PARP8: variants seen among roughly 807,000 people sequenced by gnomAD.
PARP8 encodes protein mono-ADP-ribosyltransferase PARP8.
PARP8 carries 51 observed loss-of-function variants against 124.1 expected under a neutral mutation model. That is an observed-to-expected ratio of 0.41 (90% CI 0.33 to 0.52). PARP8 has a LOEUF of 0.52. Among genes scored for constraint, PARP8 ranks in the 20% least tolerant of loss-of-function variants. The pLI is 0.21. For synonymous variants in PARP8, 391 were observed against 361.5 expected, an observed-to-expected ratio of 1.08 and a Z score of -0.93; for missense variants, 860 against 1,018.9, an observed-to-expected ratio of 0.84 and a Z score of 2.12.
Position 50,788,420 on chromosome 5 carries a change from A to G in PARP8, c.671-103A>G, listed in dbSNP as rs796204316. ...GCATGTACACTGTTTTTAAATGTGTATATGTATATGCACATATATAATGCG... is the reference window on the plus strand; with the variant it reads ...GCATGTACACTGTTTTTAAATGTGTGTATGTATATGCACATATATAATGCG... On this transcript the variant is annotated intron_variant, in intron 9 of 25. Coordinates refer to ENST00000281631, the MANE Select transcript of PARP8 (RefSeq NM_024615.4). 13 of 930,936 alleles carry G rather than the reference A, an allele frequency of 1.4e-5. 1 individual carries two copies. In the African/African-American group the frequency reaches 1.6e-4, roughly 12 times the overall value. 57.7% of individuals were successfully genotyped at this position (930,936 alleles called of 1,614,324 possible).
chr5:50,822,283 C>G, intron 16 of PARP8, 52 bp from the exon 17 acceptor site: 1 of 1,286,682 alleles, frequency 7.8e-7, no homozygotes, highest in Middle Eastern at 1.9e-4. Context: ...TACAGACTTG[C>G]AAGAGCTTAT....
intron 19 of PARP8, 74 bp downstream of exon 19, chr5:50,826,877 T>G: frequency 6.5e-7 from 1 of 1,533,290 alleles, no homozygotes; most frequent in Non-Finnish European, 8.7e-7. Context: ...AGAACCTACC[T>G]TGTAATTTTT....
Position 50,667,189 on chromosome 5 carries a change from G to A in PARP8, c.91+3G>A. ...TGAGAAGGACTGCCTGTTTGCAGGT[G>A]AGTTCTTGCTTTTCCAGAACCTCGG... On this transcript the variant is annotated splice_donor_region_variant and intron_variant, in intron 1 of 25. Transcript: ENST00000281631. 1 of 1,596,372 alleles carries A rather than the reference G, an allele frequency of 6.3e-7. No individual in the cohort carries two copies. Among genetic ancestry groups the A allele is most frequent in the South Asian group, 1.1e-5 (1 of 90,978 alleles).
intron 7 of PARP8, among the ~76,000 whole-genome samples, chr5:50,768,723 C>T (rs1190182697): frequency 2.6e-5 from 4 of 152,142 alleles, no homozygotes; most frequent in African/African-American, 9.7e-5. Context: ...TCTGCATTTG[C>T]TATTCATGAG....
intron 20 of PARP8, 32 bp downstream of exon 20, chr5:50,828,088 C>A: frequency 6.9e-7 from 1 of 1,448,710 alleles, no homozygotes; most frequent in Non-Finnish European, 9.7e-7. Flanking sequence ...TGGGGGTGTG[C>A]TCCCATTAAC....
At chr5:50,667,632 G>A (rs1419925167) in intron 1 of PARP8, 3 of 699,032 alleles carry the variant, frequency 4.3e-6, no homozygotes, top group Non-Finnish European at 7.8e-6. Flanking sequence ...AGGACCCCCG[G>A]GGGGCAGCGC....
intron 2 of PARP8, among the ~76,000 whole-genome samples, chr5:50,677,518 C>T (rs1039769085): frequency 2.0e-5 from 3 of 152,052 alleles, no homozygotes; most frequent in Admixed American, 1.3e-4. Flanking sequence ...GAAAACCAGC[C>T]TAGAATGGTG....
At chr5:50,835,210 A>C (rs1747432141) in intron 25 of PARP8, among the ~76,000 whole-genome samples, 195 bp downstream of exon 25, 1 of 152,190 alleles carries the variant, frequency 6.6e-6, no homozygotes, top group African/African-American at 2.4e-5. Context: ...TTAACTTAGA[A>C]GAGCTCATGA....
chr5:50,682,345 AAATAAAAAGGACTT>A (rs568219890), intron 2 of PARP8, among the ~76,000 whole-genome samples: 6 of 152,164 alleles, frequency 3.9e-5, no homozygotes, highest in Non-Finnish European at 8.8e-5. Context: ...ATTTGACTAT[AAATAAAAAGGACTT>A]CTACCAAGAA....
At chr5:50,708,349 T>A (rs1754379718) in intron 2 of PARP8, among the ~76,000 whole-genome samples, 1 of 152,152 alleles carries the variant, frequency 6.6e-6, no homozygotes, top group South Asian at 2.1e-4. Context: ...TCTTCTTGTT[T>A]TACTGAAACA....
At chr5:50,832,955 T>A in intron 23 of PARP8, 101 bp downstream of exon 23, 1 of 1,004,916 alleles carries the variant, frequency 1.0e-6, no homozygotes, top group Non-Finnish European at 1.5e-6. Flanking sequence ...AAAAATTATT[T>A]AATGTGGTCA....
chr5:50,829,839 A>AG (rs1746748417), intron 21 of PARP8, 53 bp from the exon 22 acceptor site: 7 of 1,487,768 alleles, frequency 4.7e-6, no homozygotes, highest in Non-Finnish European at 6.3e-6. Flanking sequence ...GTCAAATATT[A>AG]TCATTTAAAC....
chr5:50,808,166 G>C (rs1341911783), intron 14 of PARP8, among the ~76,000 whole-genome samples: 1 of 151,836 alleles, frequency 6.6e-6, no homozygotes, highest in Non-Finnish European at 1.5e-5. Flanking sequence ...TTTAGCCACG[G>C]TTGAGGATGG....
At chr5:50,779,983 TTTA>T (rs1199410517) in intron 9 of PARP8, among the ~76,000 whole-genome samples, 2 of 152,338 alleles carry the variant, frequency 1.3e-5, no homozygotes, top group South Asian at 4.1e-4. Flanking sequence ...TTAAAATATT[TTTA>T]TTCTGATAAT....
rs1350301260 is a variant in PARP8, at chr5:50,826,739, A to T, written c.1929-16A>T. ...TTTGGCATGTATTTGTGACTAATGGATCATTTTAATTTCAGGGTTATATCA... is the reference window on the plus strand; with the variant it reads ...TTTGGCATGTATTTGTGACTAATGGTTCATTTTAATTTCAGGGTTATATCA... On this transcript the variant is annotated splice_polypyrimidine_tract_variant and intron_variant, in intron 18 of 25. Coordinates refer to ENST00000281631, the MANE Select transcript of PARP8 (RefSeq NM_024615.4). The T allele has an allele frequency of 6.3e-7, 1 of 1,577,340 alleles. No homozygotes were observed. Among genetic ancestry groups the T allele is most frequent in the Non-Finnish European group, 8.6e-7 (1 of 1,168,216 alleles).
intron 2 of PARP8, among the ~76,000 whole-genome samples, chr5:50,701,584 A>T (rs1447053451): frequency 6.6e-6 from 1 of 152,146 alleles, no homozygotes; most frequent in Non-Finnish European, 1.5e-5. Context: ...ACTATTTTAG[A>T]AGTGACTTTG....
At position 50,843,283 on chromosome 5, in the gene PARP8, G is replaced by A. The variant is rs1442926269; in HGVS notation, c.*1215G>A. ...TTTATTTTCCCACATGTTGTCTTTG[G>A]AATAAGGCCATTCATGAAAGCAGTT... On this transcript the variant is annotated 3_prime_UTR_variant, in exon 26 of 26. Transcript: ENST00000281631. 1 of 151,372 alleles carries A rather than the reference G, an allele frequency of 6.6e-6. No individual in the cohort carries two copies. The highest frequency in any genetic ancestry group is 2.4e-5 in the African/African-American group (1 of 41,248). 9.4% of individuals were successfully genotyped at this position (151,372 alleles called of 1,614,324 possible).
rs1375028218 is a variant in PARP8, at chr5:50,794,938, C to T, written c.949C>T (p.Leu317=). ...GGACGGAATCTCCAAAACGCATAAG[C>T]TGCTGCGGAGGACTTGTTCCAGCAC... The part of the protein sequence containing the change: ...EQDGISKTHK[L]LRRTCSSTVK... The change falls in exon 12 of 26, where the codon CTG becomes TTG. Residue 317 remains leucine, a synonymous_variant. Transcript: ENST00000281631. 2 of 1,614,090 alleles carry T rather than the reference C, an allele frequency of 1.2e-6. No individual in the cohort carries two copies. The highest frequency in any genetic ancestry group is 3.3e-5 in the Admixed American group (2 of 60,010).
At chr5:50,824,809 T>A in intron 17 of PARP8, 99 bp from the exon 18 acceptor site, 1 of 872,160 alleles carries the variant, frequency 1.1e-6, no homozygotes, top group Non-Finnish European at 1.9e-6. Context: ...TTTTTAAGTC[T>A]TACTAGATTA....
Sources: gnomAD v4.1 joint callset for allele counts (sites outside exome capture counted in the v4.1 genomes callset) on GRCh38, gnomAD v4.1.1 for gene constraint, MANE v1.5 for transcripts, NCBI Gene and HGNC (gene_info 2026-07-23, HGNC 2026-07-21) for gene names.